The following DCC variants were observed in gnomAD, a reference collection of about 807,000 sequenced individuals.
DCC encodes netrin receptor DCC.
A neutral mutation model predicts 172.5 loss-of-function variants in DCC; 58 were observed. The ratio of observed to expected loss-of-function variants is 0.34; its 90% confidence interval spans 0.27 to 0.42. The LOEUF (loss-of-function observed/expected upper bound fraction) is 0.42. Ranked by LOEUF, DCC falls within the 10% of genes least tolerant of loss-of-function variation. DCC has a pLI of 1.00. For synonymous variants in DCC, 709 were observed against 644.5 expected, an observed-to-expected ratio of 1.10 and a Z score of -1.52; for missense variants, 1,740 against 1,791.0, an observed-to-expected ratio of 0.97 and a Z score of 0.51.
chr18:53,117,248 C>T (rs1216384719), intron 7 of DCC, among the ~76,000 whole-genome samples: 6 of 151,724 alleles, frequency 4.0e-5, no homozygotes. Flanking sequence ...TAATACTGCA[C>T]TGTAAGAAAG....
At chr18:52,882,301 A>C (rs1029523379) in intron 2 of DCC, among the ~76,000 whole-genome samples, 1 of 151,992 alleles carries the variant, frequency 6.6e-6, no homozygotes, top group Non-Finnish European at 1.5e-5. Flanking sequence ...GGTTTTTACA[A>C]ATATAAGATC....
At chr18:52,554,974 T>C (rs1483818329) in intron 1 of DCC, among the ~76,000 whole-genome samples, 1 of 152,104 alleles carries the variant, frequency 6.6e-6, no homozygotes, top group Non-Finnish European at 1.5e-5. Flanking sequence ...AATTTAGGCT[T>C]GGCATAAGTA....
rs1311886673 is a variant in DCC at position 53,532,513 on chromosome 18, T to A, written c.*1860T>A. 1 of 152,238 alleles carries A rather than the reference T, an allele frequency of 6.6e-6. No individual in the cohort carries two copies. Among genetic ancestry groups the A allele is most frequent in the Non-Finnish European group, 1.5e-5 (1 of 68,044 alleles). 9.4% of individuals were successfully genotyped at this position (152,238 alleles called of 1,614,324 possible). ...TTCTATGGGACAGACTACTCTTATT[T>A]AACATCTGGGCACTTAGGTAGACAA... is the stretch of plus-strand genomic sequence containing the variant. On this transcript the variant is annotated 3_prime_UTR_variant, in exon 29 of 29. Coordinates refer to ENST00000442544, the MANE Select transcript of DCC (RefSeq NM_005215.4).
At chr18:53,216,579 G>A (rs1050350601) in intron 12 of DCC, among the ~76,000 whole-genome samples, 5 of 152,040 alleles carry the variant, frequency 3.3e-5, no homozygotes, top group Admixed American at 6.6e-5. Context: ...AAATGTATGC[G>A]ATGAATCTGA....
intron 2 of DCC, among the ~76,000 whole-genome samples, chr18:52,800,263 A>G (rs1301831288): frequency 2.0e-5 from 3 of 152,100 alleles, no homozygotes; most frequent in African/African-American, 2.4e-5. Flanking sequence ...CTGCAGAATC[A>G]AATGCAATAT....
intron 12 of DCC, among the ~76,000 whole-genome samples, chr18:53,304,219 TG>T (rs2057173590): frequency 6.6e-6 from 1 of 152,114 alleles, no homozygotes; most frequent in South Asian, 2.1e-4. Flanking sequence ...CAGGAATGAC[TG>T]TTCTCATTTA....
chr18:52,926,916 T>TATATACAC (rs1555682723), intron 5 of DCC, among the ~76,000 whole-genome samples: 19 of 136,628 alleles, frequency 1.4e-4, no homozygotes, highest in Admixed American at 8.0e-4. Flanking sequence ...TATATACGTA[T>TATATACAC]ACATATATAT....
At chr18:52,357,921 G>C (rs1272407625) in intron 1 of DCC, among the ~76,000 whole-genome samples, 1 of 142,172 alleles carries the variant, frequency 7.0e-6, no homozygotes, top group African/African-American at 2.7e-5. Flanking sequence ...CTGGGCGACA[G>C]AGCGAGACTC....
chr18:53,506,118 C>CAACT (rs1361962061), intron 27 of DCC, among the ~76,000 whole-genome samples: 1 of 152,140 alleles, frequency 6.6e-6, no homozygotes, highest in Non-Finnish European at 1.5e-5. Flanking sequence ...GAATACCTTT[C>CAACT]AACTTTTCCA....
chr18:53,397,165 G>C lies in DCC; in HGVS notation c.2689-143G>C, dbSNP rs993907564. The C allele has an allele frequency of 8.2e-6, 6 of 729,146 alleles. No individual in the cohort carries two copies. The South Asian group carries it at 9.3e-5, about 11-fold the overall frequency. 45.2% of individuals were successfully genotyped at this position (729,146 alleles called of 1,614,324 possible). ...TGAACTGGTTAATAGATGGGAATTC[G>C]AGTCAGTGCTATGCTCTACTCCTCT... On this transcript the variant is annotated intron_variant, in intron 17 of 28. Transcript: ENST00000442544.
intron 7 of DCC, among the ~76,000 whole-genome samples, chr18:53,088,662 C>T (rs573422450): frequency 3.6e-4 from 54 of 151,944 alleles, no homozygotes; most frequent in African/African-American, 1.1e-3. Context: ...ATTGATAGAC[C>T]GCTAGCAAGA....
chr18:52,637,695 C>T (rs1170059011), intron 1 of DCC, among the ~76,000 whole-genome samples: 1 of 152,198 alleles, frequency 6.6e-6, no homozygotes, highest in Non-Finnish European at 1.5e-5. Flanking sequence ...TAAGAATAAT[C>T]TGTGTTCCTG....
chr18:53,247,271 C>A (rs1295523067), intron 12 of DCC, among the ~76,000 whole-genome samples: 6 of 151,950 alleles, frequency 3.9e-5, no homozygotes, highest in Non-Finnish European at 8.8e-5. Flanking sequence ...CTTCTTGATC[C>A]TAAGTCTAAG....
At chr18:52,506,772 C>T (rs1568203418) in intron 1 of DCC, among the ~76,000 whole-genome samples, 1 of 152,096 alleles carries the variant, frequency 6.6e-6, no homozygotes, top group African/African-American at 2.4e-5. Context: ...ATTTTATCAT[C>T]TCTACTGTCA....
chr18:53,091,538 C>T (rs1489623308), intron 7 of DCC, among the ~76,000 whole-genome samples: 2 of 151,682 alleles, frequency 1.3e-5, no homozygotes, highest in African/African-American at 4.8e-5. Flanking sequence ...GATTAGGGTG[C>T]CAGCATGATG....
At chr18:52,544,006 T>A (rs78899067) in intron 1 of DCC, among the ~76,000 whole-genome samples, 1 of 152,168 alleles carries the variant, frequency 6.6e-6, no homozygotes, top group Non-Finnish European at 1.5e-5. Flanking sequence ...TCAAAACTCA[T>A]GAACACTTTG....
chr18:53,202,486 A>C (rs2055554131), intron 9 of DCC, among the ~76,000 whole-genome samples: 1 of 152,338 alleles, frequency 6.6e-6, no homozygotes, highest in South Asian at 2.1e-4. Flanking sequence ...ATGTAGAGAA[A>C]GGAATGCTGG....
intron 1 of DCC, among the ~76,000 whole-genome samples, chr18:52,363,902 C>T (rs1269472902): frequency 1.3e-5 from 2 of 152,168 alleles, no homozygotes; most frequent in African/African-American, 2.4e-5. Context: ...GCCAGATGTA[C>T]TCTCACCCAG....
rs535645543 is a variant in DCC, at chr18:52,719,558, A to G, written c.92-32496A>G. Among the ~76,000 whole-genome samples the G allele has an allele frequency of 5.3e-5, 8 of 151,876 alleles. 1 individual carries two copies. The highest frequency in any genetic ancestry group is 5.3e-4 in the Admixed American group (8 of 15,214). ...GCAGCAAAATAAAGAAACAGAGACC[A>G]TCCTCATGGCACTTATGGTCCAGCG... On this transcript the variant is annotated intron_variant, in intron 1 of 28. Coordinates refer to ENST00000442544, the MANE Select transcript of DCC (RefSeq NM_005215.4).
Sources: allele counts gnomAD v4.1 joint callset (sites outside exome capture counted in the v4.1 genomes callset), GRCh38; gene constraint gnomAD v4.1.1; transcripts MANE v1.5; gene names NCBI Gene and HGNC (gene_info 2026-07-23, HGNC 2026-07-21).